The following MSRA variants were observed in gnomAD, a reference collection of about 807,000 sequenced individuals.
MSRA encodes mitochondrial peptide methionine sulfoxide reductase.
In MSRA, 54 loss-of-function variants were observed where a neutral mutation model predicts 31.3. That is an observed-to-expected ratio of 1.73 (90% CI 1.39 to 2.17). MSRA has a LOEUF of 2.17. Among genes scored for constraint, MSRA ranks in the 30% most tolerant of loss-of-function variants. The pLI is 0.00. For missense variants in MSRA, 507 were observed against 300.9 expected, an observed-to-expected ratio of 1.69 and a Z score of -5.07; for synonymous variants, 169 against 116.5, an observed-to-expected ratio of 1.45 and a Z score of -2.90.
intron 5 of MSRA, among the ~76,000 whole-genome samples, chr8:10,329,296 C>A (rs1259488651): frequency 6.6e-6 from 1 of 152,212 alleles, no homozygotes; most frequent in East Asian, 1.9e-4. Context: ...GCTCTGCTCC[C>A]CCAGGGGCTC....
chr8:10,253,418 G>A (rs1192619485), intron 3 of MSRA, among the ~76,000 whole-genome samples: 1 of 152,176 alleles, frequency 6.6e-6, no homozygotes, highest in East Asian at 1.9e-4. Flanking sequence ...GCGGTCAAAG[G>A]TCAACAGACT....
At chr8:10,105,270 A>G (rs1457091612) in intron 1 of MSRA, among the ~76,000 whole-genome samples, 1 of 151,968 alleles carries the variant, frequency 6.6e-6, no homozygotes, top group East Asian at 1.9e-4. Flanking sequence ...GAATGTTTTC[A>G]TTTTTCATTT....
Position 10,250,801 on chromosome 8 carries a change from G to T in MSRA, c.331+5578G>T, listed in dbSNP as rs193025362. The T allele has an allele frequency of 6.8e-5, 18 of 265,516 alleles. No individual in the cohort carries two copies. The East Asian group carries it at 1.3e-3, about 19-fold the overall frequency. The allele number at this position is 265,516 out of a possible 1,614,324, so 16.4% of individuals were successfully genotyped here. On this transcript the variant is annotated intron_variant, in intron 3 of 5. Coordinates refer to ENST00000317173, the MANE Select transcript of MSRA (RefSeq NM_012331.5). ...TTCCTCTCTTGTAAAATGGGGCAAT[G>T]CTGCTTGATGAAACCAGTCAAGTTG...
chr8:10,327,356 A>C (rs1563355140), intron 5 of MSRA, among the ~76,000 whole-genome samples: 1 of 152,178 alleles, frequency 6.6e-6, no homozygotes. Context: ...GCAATTTATT[A>C]TCTCTCATCT....
intron 1 of MSRA, among the ~76,000 whole-genome samples, chr8:10,193,592 A>G (rs527658356): frequency 3.3e-5 from 5 of 152,292 alleles, no homozygotes; most frequent in South Asian, 2.1e-4. Flanking sequence ...AAGAGCCACT[A>G]CCATCTCCAC....
In MSRA at chr8:10,238,359, T is replaced by C. The variant is rs79418875; in HGVS notation, c.212-6745T>C. ...TTTTCTTTTCATTTTTTATAGCTCT[T>C]GTTACCTTCAAACTATGTCATCTAC... On this transcript the variant is annotated intron_variant, in intron 2 of 5. Coordinates refer to ENST00000317173, the MANE Select transcript of MSRA (RefSeq NM_012331.5). Among the ~76,000 whole-genome samples the C allele has an allele frequency of 7.4e-3, 1,134 of 152,326 alleles. 13 individuals carry two copies. Among genetic ancestry groups the C allele is most frequent in the South Asian group, 0.013 (65 of 4,830 alleles).
intron 1 of MSRA, among the ~76,000 whole-genome samples, chr8:10,114,316 G>T (rs1000771894): frequency 3.9e-5 from 6 of 152,166 alleles, no homozygotes; most frequent in Non-Finnish European, 5.9e-5. Flanking sequence ...AAGTTCTTGT[G>T]TGAATATATG....
chr8:10,242,307 A>T (rs573741632), intron 2 of MSRA, among the ~76,000 whole-genome samples: 46 of 152,212 alleles, frequency 3.0e-4, no homozygotes, highest in Admixed American at 7.8e-4. Context: ...TATCAAATTT[A>T]AAAAAATGAG....
intron 1 of MSRA, among the ~76,000 whole-genome samples, chr8:10,112,147 C>T (rs773967652): frequency 2.2e-4 from 33 of 152,054 alleles, no homozygotes; most frequent in Admixed American, 5.2e-4. Context: ...CACAGTCCTG[C>T]GCTGTCTCCT....
intron 5 of MSRA, among the ~76,000 whole-genome samples, chr8:10,414,631 C>T (rs1415356347): frequency 6.6e-6 from 1 of 152,224 alleles, no homozygotes; most frequent in Admixed American, 6.5e-5. Flanking sequence ...CCATTGCCCA[C>T]TGAATTCAGT....
intron 3 of MSRA, among the ~76,000 whole-genome samples, chr8:10,295,641 C>G (rs564199644): frequency 1.3e-5 from 2 of 152,330 alleles, no homozygotes; most frequent in South Asian, 4.1e-4. Flanking sequence ...GGGTGTCATT[C>G]TCAACTCCAG....
chr8:10,391,694 G>A (rs914429545), intron 5 of MSRA, among the ~76,000 whole-genome samples: 1 of 152,192 alleles, frequency 6.6e-6, no homozygotes, highest in African/African-American at 2.4e-5. Context: ...TTCTACACGA[G>A]CACGCCTAAC....
intron 3 of MSRA, among the ~76,000 whole-genome samples, chr8:10,274,650 C>G (rs1482707888): frequency 6.6e-6 from 1 of 152,118 alleles, no homozygotes; most frequent in African/African-American, 2.4e-5. Context: ...ATGTGTTATC[C>G]ATATGCCTGA....
chr8:10,297,385 A>G (rs1800603667), intron 3 of MSRA, among the ~76,000 whole-genome samples: 1 of 152,184 alleles, frequency 6.6e-6, no homozygotes, highest in Admixed American at 6.5e-5. Flanking sequence ...GCTGCTGTGA[A>G]TTGTTAACAA....
At chr8:10,415,556 A>G (rs1808409298) in intron 5 of MSRA, among the ~76,000 whole-genome samples, 1 of 152,074 alleles carries the variant, frequency 6.6e-6, no homozygotes, top group Non-Finnish European at 1.5e-5. Flanking sequence ...GAAATAGGCC[A>G]CAGCTTGATG....
chr8:10,338,523 A>C (rs545786783), intron 5 of MSRA, among the ~76,000 whole-genome samples: 1 of 152,334 alleles, frequency 6.6e-6, no homozygotes, highest in East Asian at 1.9e-4. Context: ...TAGGTAAGTG[A>C]AGGGTTGGCT....
chr8:10,173,374 A>G (rs543694602), intron 1 of MSRA, among the ~76,000 whole-genome samples: 4 of 152,312 alleles, frequency 2.6e-5, no homozygotes, highest in African/African-American at 9.6e-5. Context: ...GGGGGTGAAG[A>G]CCAGACAAAT....
At chr8:10,123,673 A>G (rs771099557) in intron 1 of MSRA, among the ~76,000 whole-genome samples, 7 of 151,916 alleles carry the variant, frequency 4.6e-5, no homozygotes, top group Non-Finnish European at 7.4e-5. Flanking sequence ...GACTTTTTCT[A>G]TGTGGTGTAA....
intron 1 of MSRA, among the ~76,000 whole-genome samples, chr8:10,081,397 T>A (rs1411552392): frequency 6.6e-6 from 1 of 152,216 alleles, no homozygotes; most frequent in Non-Finnish European, 1.5e-5. Context: ...CTGGAGTGTG[T>A]GTGTGACTCG....
Sources: gnomAD v4.1 joint callset for allele counts (sites outside exome capture counted in the v4.1 genomes callset) on GRCh38, gnomAD v4.1.1 for gene constraint, MANE v1.5 for transcripts, NCBI Gene and HGNC (gene_info 2026-07-23, HGNC 2026-07-21) for gene names.